CWC22: variants seen among roughly 807,000 people sequenced by gnomAD.
CWC22 encodes the protein CWC22 spliceosome associated protein.
Under a neutral mutation model 117.2 loss-of-function variants are expected in CWC22, and 53 were observed. That is an observed-to-expected ratio of 0.45 (90% CI 0.36 to 0.57). The LOEUF (loss-of-function observed/expected upper bound fraction) is 0.57. Among genes scored for constraint, CWC22 ranks in the 20% least tolerant of loss-of-function variants. The pLI is 0.00. For synonymous variants in CWC22, 360 were observed against 355.6 expected, an observed-to-expected ratio of 1.01 and a Z score of -0.14; for missense variants, 980 against 1,068.8, an observed-to-expected ratio of 0.92 and a Z score of 1.16.
At position 179,945,521 on chromosome 2, in the gene CWC22, C is replaced by T; in HGVS notation, c.2335G>A (p.Asp779Asn). The T allele has an allele frequency of 1.9e-6, 3 of 1,613,230 alleles. No individual in the cohort carries two copies. The African/African-American group carries it at 4.0e-5, about 22-fold the overall frequency. ...DQNSSGSNWR[D>N]PITKYTSDKD... ...TCTGATGTGTACTTTGTTATAGGATCTCTCCAATTTGAACCACTTGAATTT... is the reference window on the plus strand; with the variant it reads ...TCTGATGTGTACTTTGTTATAGGATTTCTCCAATTTGAACCACTTGAATTT... Residue 779 changes from aspartate (D) to asparagine (N), a missense_variant, in exon 20 of 20, where the codon GAT becomes AAT. Asp to Asn is a conservative substitution (Grantham distance 23, BLOSUM62 1). This residue lies in a region of CWC22 where 306 missense variants were observed against 296.8 expected (regional missense o/e 1.03). Coordinates refer to ENST00000410053, the MANE Select transcript of CWC22 (RefSeq NM_020943.3).
chr2:179,985,010 A>C (rs1399819710), intron 4 of CWC22, among the ~76,000 whole-genome samples: 1 of 152,034 alleles, frequency 6.6e-6, no homozygotes, highest in Non-Finnish European at 1.5e-5. Context: ...TAGGACAGAC[A>C]TTATTTTTAA....
At position 179,945,238 on chromosome 2, in the gene CWC22, T is replaced by C. The variant is rs575604361; in HGVS notation, c.2618A>G (p.Asn873Ser). 6.2e-7 allele frequency: 1 copy of C among 1,613,776 alleles called. No homozygotes were observed. Among genetic ancestry groups the C allele is most frequent in the African/African-American group, 1.3e-5 (1 of 75,046 alleles). ...TTTTTCCCATCGTCTCTCGGCACCA[T>C]TTTGATATCTATCTTCATCACTTCT... ...GSRSDEDRYQ[N>S]GAERRWEKSS... Residue 873 changes from asparagine to serine, a missense_variant, in exon 20 of 20, where the codon AAT becomes AGT. Physicochemically the swap from Asn to Ser is conservative, Grantham distance 46. This residue lies in a region of CWC22 where 306 missense variants were observed against 296.8 expected (regional missense o/e 1.03). Coordinates refer to ENST00000410053, the MANE Select transcript of CWC22 (RefSeq NM_020943.3).
At chr2:179,954,408 T>A in intron 15 of CWC22, 51 bp from the exon 16 acceptor site, 1 of 1,170,220 alleles carries the variant, frequency 8.5e-7, no homozygotes, top group Non-Finnish European at 1.2e-6. Flanking sequence ...AATACAATTA[T>A]GAGCATATTA....
intron 14 of CWC22, among the ~76,000 whole-genome samples, chr2:179,956,341 ATAAAAT>A (rs1686590858): frequency 6.6e-6 from 1 of 151,370 alleles, no homozygotes; most frequent in Non-Finnish European, 1.5e-5. Flanking sequence ...TAAATTATAC[ATAAAAT>A]TAAAATTTTA....
At position 179,993,445 on chromosome 2, in the gene CWC22, C is replaced by G; in HGVS notation, c.-104G>C. On this transcript the variant is annotated 5_prime_UTR_variant, in exon 2 of 20. Transcript: ENST00000410053. ...CTTGACAGTTTACTTTTTCTGTCTG[C>G]AAACATCACCTATAAAATATACCAA... 1.3e-6 allele frequency: 1 copy of G among 751,728 alleles called. No individual in the cohort carries two copies. The allele number at this position is 751,728 out of a possible 1,614,324, so 46.6% of individuals were successfully genotyped here.
chr2:179,978,750 T>C (rs550805917), intron 5 of CWC22, among the ~76,000 whole-genome samples: 2 of 152,206 alleles, frequency 1.3e-5, no homozygotes, highest in African/African-American at 4.8e-5. Flanking sequence ...CAAAAAAAAT[T>C]TGTATGTCCC....
intron 1 of CWC22, 48 bp from the exon 2 acceptor site, chr2:179,993,502 A>T: frequency 1.8e-6 from 1 of 570,484 alleles, no homozygotes; most frequent in South Asian, 2.4e-5. Flanking sequence ...CAAAGTGTGA[A>T]AAATGATGAT....
chr2:179,973,397 G>A (rs573152069), intron 7 of CWC22, among the ~76,000 whole-genome samples, 151 bp from the exon 8 acceptor site: 3 of 152,278 alleles, frequency 2.0e-5, no homozygotes, highest in Non-Finnish European at 4.4e-5. Context: ...TAAAACACAT[G>A]AAAGAGTATC....
In CWC22 at chr2:179,950,919, G is replaced by T; in HGVS notation, c.1825C>A (p.Gln609Lys). ...LNARLKDETL[Q>K]PFFEGLLPRD... The stretch of plus-strand genomic sequence containing the variant: ...GGTAATAATCCTTCAAAGAATGGCT[G>T]CAGAGTTCTAAAAAGGAAAAAAATA... The change falls in exon 18 of 20, where the codon CAG becomes AAG. Residue 609 changes from glutamine (Q) to lysine (K), a missense_variant. Physicochemically the swap from Gln to Lys is moderately conservative, Grantham distance 53 (BLOSUM62 1). This residue lies in a region of CWC22 where 115 missense variants were observed against 169.8 expected (regional missense o/e 0.68). Transcript: ENST00000410053. 1 of 1,560,312 alleles carries T rather than the reference G, an allele frequency of 6.4e-7. No homozygotes were observed.
At chr2:179,975,695 G>C (rs6433822) in intron 6 of CWC22, among the ~76,000 whole-genome samples, 127,296 of 152,096 alleles carry the variant, frequency 0.84, 53,366 homozygotes, top group African/African-American at 0.88. Flanking sequence ...GAAAAAAAAA[G>C]TTAGGAATAA....
chr2:179,967,335 A>G (rs1686916772), intron 11 of CWC22, among the ~76,000 whole-genome samples: 1 of 152,226 alleles, frequency 6.6e-6, no homozygotes, highest in Non-Finnish European at 1.5e-5. Flanking sequence ...TCTACTTATT[A>G]GTATCACTTA....
rs768885077 is a variant in CWC22 at position 179,970,959 on chromosome 2, A to T, written c.922T>A (p.Ser308Thr). ...KECGLKLTQV[S>T]PRGINAIFER... ...CACTTACCATTGATTCCTCTTGGTG[A>T]CACTTGTGTTAATTTGAGGCCACAT... The change falls in exon 9 of 20, where the codon TCA becomes ACA. Residue 308 changes from serine (S) to threonine (T), a missense_variant. By Grantham distance (58) the Ser-to-Thr change is moderately conservative. Coordinates refer to ENST00000410053, the MANE Select transcript of CWC22 (RefSeq NM_020943.3). 1 of 1,612,738 alleles carries T rather than the reference A, an allele frequency of 6.2e-7. No individual in the cohort carries two copies. The highest frequency in any genetic ancestry group is 8.5e-7 in the Non-Finnish European group (1 of 1,179,254).
chr2:179,947,924 C>A (rs1686351526), intron 19 of CWC22, among the ~76,000 whole-genome samples: 1 of 152,138 alleles, frequency 6.6e-6, no homozygotes, highest in Admixed American at 6.5e-5. Flanking sequence ...GATAAGCAGA[C>A]AATCCCTTAT....
At chr2:179,959,512 T>A (rs1438334837) in intron 13 of CWC22, among the ~76,000 whole-genome samples, 2 of 152,130 alleles carry the variant, frequency 1.3e-5, no homozygotes, top group African/African-American at 4.8e-5. Flanking sequence ...CAGTCATGCA[T>A]CGCTTAATGA....
At chr2:179,967,794 T>A (rs1052954805) in intron 11 of CWC22, among the ~76,000 whole-genome samples, 1 of 152,254 alleles carries the variant, frequency 6.6e-6, no homozygotes, top group African/African-American at 2.4e-5. Context: ...CTTGTGTGAC[T>A]GCTTGCTTTG....
intron 3 of CWC22, among the ~76,000 whole-genome samples, chr2:179,987,392 A>G (rs1480369653): frequency 6.6e-6 from 1 of 152,230 alleles, no homozygotes; most frequent in Non-Finnish European, 1.5e-5. Flanking sequence ...ATATATACAT[A>G]ATAGATACAT....
chr2:179,974,546 T>G (rs550445787), intron 6 of CWC22, among the ~76,000 whole-genome samples: 1 of 152,208 alleles, frequency 6.6e-6, no homozygotes, highest in Admixed American at 6.5e-5. Context: ...GTTTTAGATA[T>G]GACAACTGAA....
intron 4 of CWC22, among the ~76,000 whole-genome samples, chr2:179,984,738 A>G (rs1687374792): frequency 6.6e-6 from 1 of 152,102 alleles, no homozygotes; most frequent in African/African-American, 2.4e-5. Context: ...ATGTCTATGA[A>G]GGGATAATGA....
intron 1 of CWC22, among the ~76,000 whole-genome samples, chr2:180,004,703 C>G (rs368166058): frequency 4.0e-5 from 6 of 151,820 alleles, no homozygotes; most frequent in East Asian, 1.9e-4. Flanking sequence ...CCCCCTCCCC[C>G]CCAGGAGAGT....
Sources: gnomAD v4.1 joint callset for allele counts (sites outside exome capture counted in the v4.1 genomes callset) on GRCh38, gnomAD v4.1.1 for gene constraint, gnomAD v4.1.1 regional missense constraint, MANE v1.5 for transcripts, NCBI Gene and HGNC (gene_info 2026-07-23, HGNC 2026-07-21) for gene names.